HMG20A: variants seen among roughly 807,000 people sequenced by gnomAD.
HMG20A encodes high mobility group 20A.
HMG20A carries 17 observed loss-of-function variants against 43.9 expected under a neutral mutation model. The observed-to-expected ratio is 0.39, with a 90% CI of 0.27 to 0.58. The LOEUF is 0.58. HMG20A is among the 20% of genes least tolerant of loss of function. HMG20A has a pLI of 0.59. For synonymous variants in HMG20A, 132 were observed against 147.5 expected, an observed-to-expected ratio of 0.89 and a Z score of 0.76; for missense variants, 341 against 438.2, an observed-to-expected ratio of 0.78 and a Z score of 1.98.
the HMG20A span, among the ~76,000 whole-genome samples, chr15:77,508,562 G>A: frequency 5.3e-5 from 8 of 152,144 alleles, no homozygotes; most frequent in Non-Finnish European, 1.0e-4. Flanking sequence ...TCAAATCCAG[G>A]CCTGCTGAAC....
intron 9 of HMG20A, among the ~76,000 whole-genome samples, chr15:77,480,598 CA>C (rs888964786): frequency 8.1e-6 from 1 of 123,648 alleles, no homozygotes; most frequent in Non-Finnish European, 1.6e-5. Context: ...GGTAACAGAG[CA>C]AGATTCTGTC....
intron 2 of HMG20A, among the ~76,000 whole-genome samples, chr15:77,459,846 A>G (rs539315953): frequency 1.6e-4 from 25 of 152,314 alleles, no homozygotes; most frequent in African/African-American, 5.1e-4. Context: ...CAGAGATTCT[A>G]CATTTCTAAC....
At chr15:77,421,601 C>G (rs934023626) in intron 1 of HMG20A, among the ~76,000 whole-genome samples, 5 of 152,226 alleles carry the variant, frequency 3.3e-5, no homozygotes, top group Non-Finnish European at 7.3e-5. Flanking sequence ...AATCTAGCTT[C>G]TCTTTTAAGG....
chr15:77,443,092 G>T (rs1460727884), intron 1 of HMG20A, among the ~76,000 whole-genome samples: 2 of 146,468 alleles, frequency 1.4e-5, no homozygotes, highest in Non-Finnish European at 3.0e-5. Context: ...GAGTGCAGTG[G>T]TGTGATCCCT....
the HMG20A span, among the ~76,000 whole-genome samples, chr15:77,504,165 G>A: frequency 1.9e-3 from 295 of 152,346 alleles, 2 homozygotes; most frequent in African/African-American, 6.5e-3. Flanking sequence ...ATAGATAGAT[G>A]TCTGCATAAG....
chr15:77,500,152 G>T, the HMG20A span, among the ~76,000 whole-genome samples: 1 of 152,272 alleles, frequency 6.6e-6, no homozygotes, highest in African/African-American at 2.4e-5. Flanking sequence ...TTTTAAATGA[G>T]ATCATAGTTG....
intron 1 of HMG20A, among the ~76,000 whole-genome samples, chr15:77,448,163 C>T (rs2073695815): frequency 6.6e-6 from 1 of 152,196 alleles, no homozygotes; most frequent in African/African-American, 2.4e-5. Flanking sequence ...AGTCGCTTCC[C>T]AAATGATTTC....
intron 1 of HMG20A, among the ~76,000 whole-genome samples, chr15:77,428,471 C>A (rs946624447): frequency 6.6e-6 from 1 of 152,112 alleles, no homozygotes; most frequent in African/African-American, 2.4e-5. Flanking sequence ...CAAAGCATAG[C>A]GTGTAAGACA....
chr15:77,504,762 C>T, the HMG20A span, among the ~76,000 whole-genome samples: 5 of 151,894 alleles, frequency 3.3e-5, no homozygotes, highest in Non-Finnish European at 5.9e-5. Flanking sequence ...GAGAACTGGG[C>T]GTTACAAATG....
At chr15:77,504,776 G>A in the HMG20A span, among the ~76,000 whole-genome samples, 50 of 152,214 alleles carry the variant, frequency 3.3e-4, 1 homozygote, top group African/African-American at 8.7e-4. Flanking sequence ...ACAAATGGGG[G>A]GATGCAAAGG....
At chr15:77,462,772 C>CTTTTTTTTTTTTTTTTTTTTTTT (rs71145836) in intron 2 of HMG20A, among the ~76,000 whole-genome samples, 1 of 127,788 alleles carries the variant, frequency 7.8e-6, no homozygotes, top group African/African-American at 3.0e-5. Context: ...TTTTCTTTTT[C>CTTTTTTTTTTTTTTTTTTTTTTT]TTTTTTTTTT....
chr15:77,446,252 G>T (rs2073672593), intron 1 of HMG20A, among the ~76,000 whole-genome samples: 1 of 151,652 alleles, frequency 6.6e-6, no homozygotes, highest in Non-Finnish European at 1.5e-5. Context: ...TCATATATTT[G>T]AATAAATACC....
intron 1 of HMG20A, among the ~76,000 whole-genome samples, chr15:77,427,698 A>G (rs1162608224): frequency 6.6e-6 from 1 of 152,090 alleles, no homozygotes; most frequent in Non-Finnish European, 1.5e-5. Flanking sequence ...AAAATTCTCT[A>G]ATTTTATTCA....
the HMG20A span, among the ~76,000 whole-genome samples, chr15:77,491,533 G>T: frequency 7.2e-5 from 11 of 152,204 alleles, no homozygotes; most frequent in Non-Finnish European, 1.6e-4. Flanking sequence ...TACTCACTAT[G>T]TGTTTTGGGT....
In HMG20A at chr15:77,472,422, G is replaced by A. The variant is rs139935488; in HGVS notation, c.615+608G>A. Among the ~76,000 whole-genome samples the A allele has an allele frequency of 7.3e-3, 1,110 of 152,182 alleles. 15 individuals are homozygous for A. The highest frequency in any genetic ancestry group is 0.025 in the African/African-American group (1,053 of 41,514). On this transcript the variant is annotated intron_variant, in intron 6 of 9. Coordinates refer to ENST00000336216, the MANE Select transcript of HMG20A (RefSeq NM_001304504.2). ...CCCGAGTAGCTGGGACTACAGGCTC[G>A]TGCCATCATACCCGGCTAATTTTCT... is the stretch of plus-strand genomic sequence containing the variant.
the HMG20A span, among the ~76,000 whole-genome samples, chr15:77,514,443 T>C: frequency 6.6e-6 from 1 of 151,886 alleles, no homozygotes; most frequent in African/African-American, 2.4e-5. Flanking sequence ...CTGAAATGGA[T>C]AGTGGCTACA....
the HMG20A span, among the ~76,000 whole-genome samples, chr15:77,503,906 C>A: frequency 6.6e-6 from 1 of 152,184 alleles, no homozygotes; most frequent in Non-Finnish European, 1.5e-5. Flanking sequence ...ACCTGTACAG[C>A]TGCACATGGC....
At chr15:77,473,362 CTCTT>C (rs1350465125) in intron 6 of HMG20A, among the ~76,000 whole-genome samples, 2 of 152,168 alleles carry the variant, frequency 1.3e-5, no homozygotes, top group Admixed American at 6.5e-5. Context: ...AATTACTTCT[CTCTT>C]TCTTTGCCTG....
chr15:77,496,670 C>G, the HMG20A span, among the ~76,000 whole-genome samples: 1 of 152,146 alleles, frequency 6.6e-6, no homozygotes, highest in Non-Finnish European at 1.5e-5. Context: ...TTACTTTTTC[C>G]CCCTCTCTGC....
Sources: gnomAD v4.1 joint callset for allele counts (sites outside exome capture counted in the v4.1 genomes callset) on GRCh38, gnomAD v4.1.1 for gene constraint, MANE v1.5 for transcripts, NCBI Gene and HGNC (gene_info 2026-07-23, HGNC 2026-07-21) for gene names.